Variants in ALG8 observed in about 807,000 individuals in gnomAD.
ALG8 encodes dolichyl pyrophosphate Glc1Man9GlcNAc2 alpha-1,3-glucosyltransferase.
Under a neutral mutation model 70.2 loss-of-function variants are expected in ALG8, and 48 were observed. The ratio of observed to expected loss-of-function variants is 0.68; its 90% CI spans 0.54 to 0.87. The LOEUF is 0.87. Among genes scored for constraint, ALG8 ranks in the 40% least tolerant of loss-of-function variants. ALG8 has a pLI of 0.00. For missense variants in ALG8, 572 were observed against 608.7 expected (o/e 0.94, Z 0.64); for synonymous variants, 234 against 229.0 (o/e 1.02, Z -0.20).
intron 8 of ALG8, among the ~76,000 whole-genome samples, chr11:78,110,615 A>G (rs1227636125): frequency 2.0e-5 from 3 of 152,224 alleles, no homozygotes; most frequent in African/African-American, 7.2e-5. Context: ...TCCCCAGTAC[A>G]TAGGAGCTCA....
chr11:78,105,705 C>CT (rs201616826), intron 10 of ALG8, among the ~76,000 whole-genome samples: 41 of 132,470 alleles, frequency 3.1e-4, no homozygotes, highest in Non-Finnish European at 3.5e-4. Flanking sequence ...TTTTAACTAT[C>CT]TTTTTTTTTT....
At chr11:78,130,738 T>C (rs1394247283) in intron 1 of ALG8, among the ~76,000 whole-genome samples, 1 of 152,176 alleles carries the variant, frequency 6.6e-6, no homozygotes, top group African/African-American at 2.4e-5. Context: ...TGAGGGTCTT[T>C]TTTCATTAAT....
chr11:78,130,361 A>AAAAAAAAAAAAAAAAAGAAAAGAAAG (rs928560857), intron 1 of ALG8, among the ~76,000 whole-genome samples: 3 of 132,634 alleles, frequency 2.3e-5, no homozygotes, highest in African/African-American at 9.5e-5. Flanking sequence ...AAAAAAAAAA[A>AAAAAAAAAAAAAAAAAGAAAAGAAAG]AAAAAAGGTG....
chr11:78,115,636 C>T (rs1377344303), intron 5 of ALG8, among the ~76,000 whole-genome samples: 1 of 152,206 alleles, frequency 6.6e-6, no homozygotes, highest in African/African-American at 2.4e-5. Flanking sequence ...CCACCTGTCT[C>T]AGCCTCCCAA....
At chr11:78,122,393 A>G (rs1210174189) in intron 3 of ALG8, among the ~76,000 whole-genome samples, 1 of 145,938 alleles carries the variant, frequency 6.9e-6, no homozygotes. Context: ...CCTAGGATGG[A>G]GTGCAGTGGC....
intron 1 of ALG8, among the ~76,000 whole-genome samples, chr11:78,129,921 C>T (rs116730858): frequency 0.02 from 3,009 of 152,006 alleles, 102 homozygotes; most frequent in African/African-American, 0.069. Flanking sequence ...TACACAACAA[C>T]GCACAAACTT....
In ALG8 at chr11:78,134,511, A is replaced by T. The variant is rs867952608; in HGVS notation, c.95+4983T>A. ...TGATGGGCTCTTCCTTTCACAAAAG[A>T]TTCCTCTAGTATGCAATGCTGTTTG... On this transcript the variant is annotated intron_variant, in intron 1 of 12. Coordinates refer to ENST00000299626, the MANE Select transcript of ALG8 (RefSeq NM_024079.5). Among the ~76,000 whole-genome samples, 8 of 152,228 alleles carry T rather than the reference A, an allele frequency of 5.3e-5. No homozygotes were observed. The South Asian group carries it at 1.7e-3, about 32-fold the overall frequency.
In ALG8 at chr11:78,139,617, C is replaced by G. The variant is rs939764682; in HGVS notation, c.-29G>C. On this transcript the variant is annotated 5_prime_UTR_variant, in exon 1 of 13. Coordinates refer to ENST00000299626, the MANE Select transcript of ALG8 (RefSeq NM_024079.5). ...TGCGGCACCGCACGCTTCCCACCAA[C>G]TTGATCCACATCCGGGATCCCGCGC... 2 of 1,548,728 alleles carry G rather than the reference C, an allele frequency of 1.3e-6. No individual in the cohort carries two copies. The highest frequency in any genetic ancestry group is 1.7e-6 in the Non-Finnish European group (2 of 1,144,500).
At chr11:78,110,911 G>A (rs541267683) in intron 8 of ALG8, among the ~76,000 whole-genome samples, 1 of 152,262 alleles carries the variant, frequency 6.6e-6, no homozygotes, top group African/African-American at 2.4e-5. Context: ...CATCTTCAAA[G>A]ACACAAACAT....
At chr11:78,139,041 A>C (rs1448359562) in intron 1 of ALG8, 1 of 345,254 alleles carries the variant, frequency 2.9e-6, no homozygotes, top group East Asian at 7.6e-5. Context: ...GCGCACAGCC[A>C]CTTAGTAACC....
At chr11:78,120,988 T>G in intron 4 of ALG8, 77 bp downstream of exon 4, 2 of 1,332,830 alleles carry the variant, frequency 1.5e-6, no homozygotes, top group South Asian at 2.4e-5. Flanking sequence ...CTCCAATCAT[T>G]ATTATAGAAA....
At chr11:78,112,344 C>A in intron 8 of ALG8, 1 of 349,558 alleles carries the variant, frequency 2.9e-6, no homozygotes, top group Non-Finnish European at 5.6e-6. Flanking sequence ...TTAACTGCTG[C>A]TGCTGAATAG....
At chr11:78,127,294 T>C in intron 2 of ALG8, 64 bp downstream of exon 2, 1 of 1,412,844 alleles carries the variant, frequency 7.1e-7, no homozygotes. Context: ...ATTTTTAATA[T>C]CAGTAATATT....
intron 3 of ALG8, among the ~76,000 whole-genome samples, chr11:78,121,899 T>C (rs1338821565): frequency 6.6e-6 from 1 of 152,218 alleles, no homozygotes; most frequent in Non-Finnish European, 1.5e-5. Flanking sequence ...TGTTGAGATA[T>C]ATTACTAAGT....
At chr11:78,117,929 G>A (rs1482185871) in intron 5 of ALG8, among the ~76,000 whole-genome samples, 7 of 151,830 alleles carry the variant, frequency 4.6e-5, no homozygotes, top group Non-Finnish European at 4.4e-5. Flanking sequence ...AAATTAGCCG[G>A]GCGTGGTGGC....
intron 1 of ALG8, chr11:78,137,693 C>G (rs772139529): frequency 2.6e-5 from 4 of 152,206 alleles, no homozygotes; most frequent in Non-Finnish European, 5.9e-5. Flanking sequence ...ATAGAGCAGT[C>G]AGAACACACA....
intron 11 of ALG8, 101 bp downstream of exon 11, chr11:78,104,255 C>T: frequency 4.3e-6 from 5 of 1,150,644 alleles, no homozygotes; most frequent in Non-Finnish European, 6.1e-6. Context: ...GATCTCTATC[C>T]AAGAGATTTT....
At chr11:78,127,712 C>CTTTTTTTTTTT (rs1192507872) in intron 1 of ALG8, among the ~76,000 whole-genome samples, 10 of 132,902 alleles carry the variant, frequency 7.5e-5, no homozygotes, top group South Asian at 2.3e-4. Context: ...TTTTTCTTTT[C>CTTTTTTTTTTT]TTTTTTTTTT....
rs1226501719 is a variant in ALG8 at position 78,119,356 on chromosome 11, C to T, written c.479-107G>A. On this transcript the variant is annotated intron_variant, in intron 4 of 12. Transcript: ENST00000299626. ...AATGCTTTAATAGCAAAATTAAAGA[C>T]AAAAAATACTACTACTAATGTGGAC... The T allele has an allele frequency of 4.1e-6, 3 of 726,578 alleles. No homozygotes were observed. In the East Asian group the frequency reaches 8.7e-5, roughly 21 times the overall value. The allele number at this position is 726,578 out of a possible 1,614,324, so 45.0% of individuals were successfully genotyped here. A position where few individuals can be genotyped will look rare whatever the true frequency, so the allele number is the denominator to read the frequency against.
Sources: gnomAD v4.1 joint callset for allele counts (sites outside exome capture counted in the v4.1 genomes callset) on GRCh38, gnomAD v4.1.1 for gene constraint, MANE v1.5 for transcripts, NCBI Gene and HGNC (gene_info 2026-07-23, HGNC 2026-07-21) for gene names.